IL16: variants seen among roughly 807,000 people sequenced by gnomAD.
IL16 encodes pro-interleukin-16.
Under a neutral mutation model 110.1 loss-of-function variants are expected in IL16, and 67 were observed. The observed-to-expected ratio is 0.61, with a 90% CI of 0.50 to 0.75. The LOEUF (loss-of-function observed/expected upper bound fraction) is 0.75, where lower values mean the gene tolerates loss of function less well. Ranked by LOEUF, IL16 falls within the 30% of genes least tolerant of loss-of-function variation. The pLI, the probability that IL16 is intolerant of heterozygous loss-of-function variation, is 0.00. For missense variants in IL16, 1,545 were observed against 1,655.0 expected (o/e 0.93, Z 1.15); for synonymous variants, 689 against 662.9 (o/e 1.04, Z -0.61).
intron 1 of IL16, among the ~76,000 whole-genome samples, chr15:81,212,017 A>T (rs576077704): frequency 9.9e-5 from 15 of 152,094 alleles, no homozygotes; most frequent in Non-Finnish European, 1.9e-4. Context: ...GCTTCATAGG[A>T]TAAGTTAGGG....
At chr15:81,213,097 A>T (rs1303269984) in intron 1 of IL16, among the ~76,000 whole-genome samples, 1 of 152,136 alleles carries the variant, frequency 6.6e-6, no homozygotes, top group Non-Finnish European at 1.5e-5. Context: ...TATTTTCATT[A>T]ATTTAAAAGA....
chr15:81,258,591 C>T (rs1898031088), intron 2 of IL16, among the ~76,000 whole-genome samples: 1 of 152,044 alleles, frequency 6.6e-6, no homozygotes, highest in African/African-American at 2.4e-5. Context: ...GTACCAGCTA[C>T]TCAGGAGGCT....
At chr15:81,228,098 C>T (rs761830534) in intron 2 of IL16, among the ~76,000 whole-genome samples, 4 of 152,070 alleles carry the variant, frequency 2.6e-5, no homozygotes, top group Admixed American at 6.5e-5. Flanking sequence ...AAGGGACATG[C>T]GTCTGCAAAG....
chr15:81,281,529 C>A (rs1262127438), intron 8 of IL16, among the ~76,000 whole-genome samples: 3 of 152,264 alleles, frequency 2.0e-5, no homozygotes, highest in African/African-American at 7.2e-5. Flanking sequence ...CTGCTCTACA[C>A]GTCGCTGGGA....
rs1382521375 is a variant in IL16 at position 81,305,966 on chromosome 15, A to G, written c.3479A>G (p.Asn1160Ser). ...ASQEGTIQKG[N>S]EVLSINGKSL... ...CAGGAAGGGACTATTCAGAAGGGCA[A>G]TGAGGTTCTTTCCATCAACGGCAAG... The change falls in exon 17 of 19, where the codon AAT becomes AGT. Residue 1160 changes from asparagine to serine, a missense_variant. Transcript: ENST00000683961. The G allele has an allele frequency of 1.2e-6, 2 of 1,614,080 alleles. No individual in the cohort carries two copies. The highest frequency in any genetic ancestry group is 1.3e-5 in the African/African-American group (1 of 74,924).
chr15:81,289,852 A>G, intron 10 of IL16: 1 of 416,814 alleles, frequency 2.4e-6, no homozygotes, highest in South Asian at 1.7e-5. Context: ...TTTATTTTTA[A>G]AAAACCTGTC....
rs1352620259 is a variant in IL16, at chr15:81,225,350, G to A, written c.-50G>A. On this transcript the variant is annotated 5_prime_UTR_variant, in exon 2 of 19. Coordinates refer to ENST00000683961, the MANE Select transcript of IL16 (RefSeq NM_172217.5). ...TGTCCAGTGGCCACCCGTCAGCCAA[G>A]GGCCAGAGACCAGGAAAGGAAGAAA... 6.9e-6 allele frequency: 11 copies of A among 1,595,176 alleles called. No individual in the cohort carries two copies. The highest frequency in any genetic ancestry group is 9.4e-6 in the Non-Finnish European group (11 of 1,173,326).
At chr15:81,189,433 C>A (rs2141917570) in intron 1 of IL16, among the ~76,000 whole-genome samples, 1 of 152,198 alleles carries the variant, frequency 6.6e-6, no homozygotes, top group East Asian at 1.9e-4. Flanking sequence ...CCATACCAAG[C>A]TAATTTTTCA....
rs1029610657 is a variant in IL16 at position 81,303,382 on chromosome 15, A to G, written c.3319-167A>G. The G allele has an allele frequency of 3.4e-6, 2 of 588,214 alleles. No homozygotes were observed. The highest frequency in any genetic ancestry group is 6.1e-6 in the Non-Finnish European group (2 of 327,220). The allele number at this position is 588,214 out of a possible 1,614,324, so 36.4% of individuals were successfully genotyped here. A position where few individuals can be genotyped will look rare whatever the true frequency, so the allele number is the denominator to read the frequency against. ...CTTCTAAGCTTCCCATGACTCCTGA[A>G]GGTCCATTCTTTACAGATGAGGAAA... is the stretch of plus-strand genomic sequence containing the variant. On this transcript the variant is annotated intron_variant, in intron 15 of 18. Coordinates refer to ENST00000683961, the MANE Select transcript of IL16 (RefSeq NM_172217.5). The surrounding 1 kb of genome is among the most constrained non-coding windows in gnomAD (Gnocchi z 4.1).
rs537104416 is a variant in IL16 at position 81,273,211 on chromosome 15, T to C, written c.790+7T>C. ...GATGGAAGGCTACAGGAAGGTAGGC[T>C]TCCCAGCCCTTTTCAGACCATGGTG... On this transcript the variant is annotated splice_region_variant and intron_variant, in intron 6 of 18. Coordinates refer to ENST00000683961, the MANE Select transcript of IL16 (RefSeq NM_172217.5). 6 of 1,590,306 alleles carry C rather than the reference T, an allele frequency of 3.8e-6. No homozygotes were observed. The East Asian group carries it at 6.7e-5, about 18-fold the overall frequency.
At chr15:81,272,209 G>A (rs1010150440) in intron 5 of IL16, among the ~76,000 whole-genome samples, 4 of 152,252 alleles carry the variant, frequency 2.6e-5, no homozygotes, top group Admixed American at 1.3e-4. Context: ...GCCCTCTAGG[G>A]CGGCATGGGG....
chr15:81,224,169 G>A (rs1368337071), intron 1 of IL16, among the ~76,000 whole-genome samples: 1 of 152,158 alleles, frequency 6.6e-6, no homozygotes, highest in Non-Finnish European at 1.5e-5. Context: ...CTATTTTTAG[G>A]CAGAAATTCT....
intron 11 of IL16, among the ~76,000 whole-genome samples, chr15:81,291,216 G>A (rs1365339119): frequency 2.0e-5 from 3 of 152,164 alleles, no homozygotes; most frequent in African/African-American, 7.2e-5. Context: ...TAAATGATCT[G>A]GGGAAATGTT....
At chr15:81,287,026 A>G (rs1899482617) in intron 10 of IL16, among the ~76,000 whole-genome samples, 1 of 152,188 alleles carries the variant, frequency 6.6e-6, no homozygotes, top group Non-Finnish European at 1.5e-5. Context: ...CCTATGACTC[A>G]ATTATCTCCC....
intron 5 of IL16, 112 bp downstream of exon 5, chr15:81,269,760 C>G: frequency 1.4e-6 from 1 of 721,036 alleles, no homozygotes; most frequent in Non-Finnish European, 2.5e-6. Context: ...CCTGGCGCAT[C>G]AGAAGAGACA....
At chr15:81,308,303 CTA>C (rs1900676711) in intron 18 of IL16, among the ~76,000 whole-genome samples, 1 of 152,198 alleles carries the variant, frequency 6.6e-6, no homozygotes, top group South Asian at 2.1e-4. Context: ...CCAGAGTCCT[CTA>C]TGAACTATGG....
In IL16 at chr15:81,309,500, C is replaced by G. The variant is rs527522162; in HGVS notation, c.*702C>G. On this transcript the variant is annotated 3_prime_UTR_variant, in exon 19 of 19. Coordinates refer to ENST00000683961, the MANE Select transcript of IL16 (RefSeq NM_172217.5). ...GGAAGTTGCATGGCATCACCTCCAC[C>G]ATACTCCATCAGTTAGAGCTGACAC... The G allele has an allele frequency of 6.6e-6, 1 of 152,466 alleles. No individual in the cohort carries two copies. The highest frequency in any genetic ancestry group is 2.1e-4 in the South Asian group (1 of 4,832). 9.4% of individuals were successfully genotyped at this position (152,466 alleles called of 1,614,324 possible).
intron 6 of IL16, among the ~76,000 whole-genome samples, chr15:81,275,066 C>T (rs999229633): frequency 4.6e-5 from 7 of 151,496 alleles, no homozygotes; most frequent in Non-Finnish European, 8.8e-5. Context: ...AAGGGCGGGG[C>T]GGGTCAGAGA....
chr15:81,260,748 T>C (rs1898119910), intron 3 of IL16, among the ~76,000 whole-genome samples: 1 of 152,264 alleles, frequency 6.6e-6, no homozygotes, highest in Non-Finnish European at 1.5e-5. Context: ...TAGTGACCTA[T>C]GTGATCTTGG....
Sources: gnomAD v4.1 joint callset for allele counts (sites outside exome capture counted in the v4.1 genomes callset) on GRCh38, gnomAD v4.1.1 for gene constraint, Gnocchi (gnomAD v3.1) non-coding constraint, MANE v1.5 for transcripts, NCBI Gene and HGNC (gene_info 2026-07-23, HGNC 2026-07-21) for gene names.